The following CNTN6 variants were observed in gnomAD, a reference collection of about 807,000 sequenced individuals.
The protein encoded by CNTN6 is contactin 6, also known as contactin-6.
A neutral mutation model predicts 122.8 loss-of-function variants in CNTN6; 137 were observed. The ratio of observed to expected loss-of-function variants is 1.12; its 90% CI spans 0.97 to 1.29. The LOEUF is 1.29. Ranked by LOEUF, CNTN6 falls within the 50% of genes most tolerant of loss-of-function variation. The probability of loss-of-function intolerance (pLI) is 0.00; values close to 1 mark genes in which losing one functional copy is unlikely to be tolerated. For missense variants in CNTN6, 1,634 were observed against 1,223.4 expected, an observed-to-expected ratio of 1.34 and a Z score of -5.01; for synonymous variants, 570 against 426.0, an observed-to-expected ratio of 1.34 and a Z score of -4.16.
At chr3:1,256,722 A>C (rs1575446183) in intron 4 of CNTN6, among the ~76,000 whole-genome samples, 1 of 152,174 alleles carries the variant, frequency 6.6e-6, no homozygotes, top group African/African-American at 2.4e-5. Context: ...GAATATAAAT[A>C]GATATGTTCA....
At chr3:1,248,574 C>G (rs1003332287) in intron 4 of CNTN6, among the ~76,000 whole-genome samples, 3 of 152,104 alleles carry the variant, frequency 2.0e-5, no homozygotes, top group Non-Finnish European at 2.9e-5. Context: ...AATCTCAGCA[C>G]TTTAGGAGGC....
intron 2 of CNTN6, among the ~76,000 whole-genome samples, chr3:1,168,418 C>G (rs1471718859): frequency 6.7e-6 from 1 of 149,164 alleles, no homozygotes; most frequent in East Asian, 2.0e-4. Flanking sequence ...TAGTGTAGAA[C>G]ACACCTCAGT....
At chr3:1,203,679 C>T (rs539565635) in intron 2 of CNTN6, among the ~76,000 whole-genome samples, 1 of 152,228 alleles carries the variant, frequency 6.6e-6, no homozygotes, top group East Asian at 1.9e-4. Context: ...AGTGAAACCA[C>T]GGTAGCAAAA....
At chr3:1,321,856 T>A in intron 8 of CNTN6, 22 bp downstream of exon 8, 2 of 1,570,506 alleles carry the variant, frequency 1.3e-6, no homozygotes, top group Non-Finnish European at 1.7e-6. Flanking sequence ...GGATTTCAAA[T>A]ATATATAAAA....
chr3:1,386,814 C>T (rs17038506), intron 20 of CNTN6, among the ~76,000 whole-genome samples: 3,022 of 145,154 alleles, frequency 0.021, 95 homozygotes, highest in African/African-American at 0.069. Context: ...CTATACATGC[C>T]GTAGTCTAAT....
Position 1,328,536 on chromosome 3 carries a change from T to C in CNTN6, c.1213+950T>C, listed in dbSNP as rs576343167. On this transcript the variant is annotated intron_variant, in intron 10 of 22. Transcript: ENST00000446702. ...CTGTATCAAGATGAAGTGATCTTTA[T>C]CTTCACTCAACCTATAATTTCAAGG... 2.0e-5 allele frequency among the ~76,000 whole-genome samples: 3 copies of C among 151,968 alleles called. No homozygotes were observed. In the East Asian group the frequency reaches 5.8e-4, roughly 30 times the overall value.
chr3:1,355,930 A>G (rs1394271985), intron 12 of CNTN6, among the ~76,000 whole-genome samples: 2 of 151,916 alleles, frequency 1.3e-5, no homozygotes, highest in South Asian at 2.1e-4. Flanking sequence ...GGAAATTTCT[A>G]TTTCACTAAT....
chr3:1,122,690 G>A (rs1336538469), intron 1 of CNTN6, among the ~76,000 whole-genome samples: 1 of 151,818 alleles, frequency 6.6e-6, no homozygotes, highest in East Asian at 1.9e-4. Flanking sequence ...TGTATAAATG[G>A]ATTCATGCAA....
chr3:1,171,903 G>A (rs536031690), intron 2 of CNTN6, among the ~76,000 whole-genome samples: 19 of 152,126 alleles, frequency 1.2e-4, no homozygotes, highest in African/African-American at 3.9e-4. Context: ...TACCACACTC[G>A]GCCTGCTGTA....
chr3:1,374,627 CCTT>C (rs1048950950), intron 16 of CNTN6, among the ~76,000 whole-genome samples: 2 of 152,050 alleles, frequency 1.3e-5, no homozygotes, highest in African/African-American at 4.8e-5. Flanking sequence ...AGATACCATG[CCTT>C]CTTAAGCTCT....
intron 1 of CNTN6, among the ~76,000 whole-genome samples, chr3:1,140,227 T>G (rs1012591086): frequency 6.6e-6 from 1 of 152,180 alleles, no homozygotes; most frequent in South Asian, 2.1e-4. Flanking sequence ...GTATTCTGAT[T>G]TATATAAATA....
intron 4 of CNTN6, among the ~76,000 whole-genome samples, chr3:1,233,924 T>C (rs1452504299): frequency 4.6e-5 from 7 of 152,068 alleles, no homozygotes; most frequent in Admixed American, 4.6e-4. Flanking sequence ...CATCACAGGA[T>C]TGATTTTAAA....
chr3:1,389,751 G>T (rs1353673219), intron 20 of CNTN6, among the ~76,000 whole-genome samples: 1 of 149,816 alleles, frequency 6.7e-6, no homozygotes, highest in East Asian at 1.9e-4. Flanking sequence ...AAAGGCAGGG[G>T]TTGCAATCCT....
chr3:1,390,926 C>A (rs1188130981), intron 20 of CNTN6, among the ~76,000 whole-genome samples: 12 of 150,160 alleles, frequency 8.0e-5, no homozygotes, highest in Admixed American at 6.7e-5. Flanking sequence ...AGTTTACCAA[C>A]CAAAAAGTCC....
chr3:1,372,373 G>A lies in CNTN6; in HGVS notation c.1567G>A (p.Val523Met), dbSNP rs759275427. 2 of 1,613,420 alleles carry A rather than the reference G, an allele frequency of 1.2e-6. No individual in the cohort carries two copies. Among genetic ancestry groups the A allele is most frequent in the Non-Finnish European group, 1.7e-6 (2 of 1,179,582 alleles). The change falls in exon 13 of 23, where the codon GTG becomes ATG. Residue 523 changes from valine to methionine, a missense_variant. Physicochemically the swap from Val to Met is conservative, Grantham distance 21. Coordinates refer to ENST00000446702, the MANE Select transcript of CNTN6 (RefSeq NM_001289080.2). ...VGESIVLPCQ[V>M]SHDPSIEVVF... ...CGAGAGTATAGTGCTACCATGCCAG[G>A]TGTCCCATGACCCCTCCATTGAAGT...
intron 14 of CNTN6, among the ~76,000 whole-genome samples, chr3:1,373,326 G>C (rs1709368065): frequency 6.6e-6 from 1 of 152,102 alleles, no homozygotes; most frequent in Non-Finnish European, 1.5e-5. Flanking sequence ...TAGATTTTAA[G>C]AGGAATTAAA....
chr3:1,125,448 G>A (rs2092125817), intron 1 of CNTN6, among the ~76,000 whole-genome samples: 1 of 151,766 alleles, frequency 6.6e-6, no homozygotes, highest in Non-Finnish European at 1.5e-5. Context: ...AGGAATTGCT[G>A]GTGTTCCCTG....
At chr3:1,129,862 C>G (rs2092288511) in intron 1 of CNTN6, among the ~76,000 whole-genome samples, 2 of 136,674 alleles carry the variant, frequency 1.5e-5, no homozygotes, top group Admixed American at 1.4e-4. Context: ...CTATTTACAT[C>G]AAGACTCTAT....
At chr3:1,347,209 T>C (rs2126058699) in intron 11 of CNTN6, among the ~76,000 whole-genome samples, 1 of 152,290 alleles carries the variant, frequency 6.6e-6, no homozygotes, top group Non-Finnish European at 1.5e-5. Context: ...ACGCTATTAA[T>C]TTTTCTATTA....
Sources: allele counts gnomAD v4.1 joint callset (sites outside exome capture counted in the v4.1 genomes callset), GRCh38; gene constraint gnomAD v4.1.1; transcripts MANE v1.5; gene names NCBI Gene and HGNC (gene_info 2026-07-23, HGNC 2026-07-21).